The following SP110 variants were observed in gnomAD, a reference collection of about 807,000 sequenced individuals.
SP110 encodes SP110 nuclear body protein, also known as interferon-induced protein 41, 30kD.
SP110 carries 62 observed loss-of-function variants against 92.7 expected under a neutral mutation model. That is an observed-to-expected ratio of 0.67 (90% confidence interval 0.55 to 0.83). SP110 has a LOEUF of 0.83. Ranked by LOEUF, SP110 falls within the 40% of genes least tolerant of loss-of-function variation. The pLI, the probability that SP110 is intolerant of heterozygous loss-of-function variation, is 0.00. For synonymous variants in SP110, 273 were observed against 305.3 expected, an observed-to-expected ratio of 0.89 and a Z score of 1.10; for missense variants, 793 against 863.9, an observed-to-expected ratio of 0.92 and a Z score of 1.03.
At chr2:230,222,878 G>A (rs1010898219), upstream of SP110, among the ~76,000 whole-genome samples, 8 of 146,174 alleles carry the variant, frequency 5.5e-5, no homozygotes, top group Non-Finnish European at 9.0e-5. Flanking sequence ...AAGGCACATG[G>A]AATGCATTTT....
rs200558530 is a variant in SP110 at position 230,208,022 on chromosome 2, T to C, written c.867A>G (p.Lys289=). 18 of 1,567,304 alleles carry C rather than the reference T, an allele frequency of 1.1e-5. No individual in the cohort carries two copies. In the African/African-American group the frequency reaches 1.6e-4, roughly 14 times the overall value. The change falls in exon 8 of 19, where the codon AAA becomes AAG. Residue 289 remains lysine, a synonymous_variant. Transcript: ENST00000258381. The stretch of plus-strand genomic sequence containing the variant: ...GGAGGCTTTTTTTCTTATGTCTCCT[T>C]TTTGGAGTTGACCAGATACATCTTT... ...KRKRCIWSTP[K]RRHKKKSLPG...
Position 230,212,265 on chromosome 2 carries a change from C to T in SP110, c.667+82G>A. 2.9e-6 allele frequency: 3 copies of T among 1,033,898 alleles called. No homozygotes were observed. In the South Asian group the frequency reaches 3.8e-5, roughly 13 times the overall value. The allele number at this position is 1,033,898 out of a possible 1,614,324, so 64.0% of individuals were successfully genotyped here. ...TCAGTTCTTTTTCCCAGGGTTCCCA[C>T]CATAGCCTCTTGGTTGGCAGACGCA... On this transcript the variant is annotated intron_variant, in intron 5 of 18. Transcript: ENST00000258381.
chr2:230,169,313 G>T (rs1413839859), intron 18 of SP110, 76 bp from the exon 19 acceptor site: 1 of 938,928 alleles, frequency 1.1e-6, no homozygotes, highest in Non-Finnish European at 1.7e-6. Flanking sequence ...ACTTTTTTTT[G>T]TGTTTTTGTT....
chr2:230,178,404 A>G (rs931946293), intron 12 of SP110, 149 bp from the exon 13 acceptor site: 1 of 654,808 alleles, frequency 1.5e-6, no homozygotes, highest in Admixed American at 2.1e-5. Flanking sequence ...CGAGTGACAG[A>G]TAAGCTATGT....
Position 230,215,078 on chromosome 2 carries a change from C to T in SP110, c.188G>A (p.Arg63Lys), listed in dbSNP as rs773795078. The T allele has an allele frequency of 6.2e-7, 1 of 1,613,954 alleles. No individual in the cohort carries two copies. Among genetic ancestry groups the T allele is most frequent in the South Asian group, 1.1e-5 (1 of 91,088 alleles). ...EACRNLIPVS[R>K]VVHNILTQLE... ...TTGGGTGAGAATGTTGTGCACCACT[C>T]TGGATACAGGGATCAAATTTCTACA... Residue 63 changes from arginine (R) to lysine (K), a missense_variant, in exon 3 of 19, where the codon AGA becomes AAA. Coordinates refer to ENST00000258381, the MANE Select transcript of SP110 (RefSeq NM_080424.4).
Position 230,212,468 on chromosome 2 carries a change from C to T in SP110, c.584-38G>A, listed in dbSNP as rs761682153. On this transcript the variant is annotated intron_variant, in intron 4 of 18. Coordinates refer to ENST00000258381, the MANE Select transcript of SP110 (RefSeq NM_080424.4). Reference sequence around the variant, plus strand: ...AGGAAATTATTACAGATTGCAGGGACTGGATGTCAGGGAGAAGAGTGAATG... The same window carrying T: ...AGGAAATTATTACAGATTGCAGGGATTGGATGTCAGGGAGAAGAGTGAATG... 4 of 1,469,454 alleles carry T rather than the reference C, an allele frequency of 2.7e-6. No homozygotes were observed. In the East Asian group the frequency reaches 6.8e-5, roughly 25 times the overall value. 91.0% of individuals were successfully genotyped at this position (1,469,454 alleles called of 1,614,324 possible). A position where few individuals can be genotyped will look rare whatever the true frequency, so the allele number is the denominator to read the frequency against.
Position 230,172,175 on chromosome 2 carries a change from C to T in SP110, c.1707-1G>A, listed in dbSNP as rs778486417. The T allele has an allele frequency of 6.3e-7, 1 of 1,594,316 alleles. No individual in the cohort carries two copies. The highest frequency in any genetic ancestry group is 8.6e-7 in the Non-Finnish European group (1 of 1,161,630). ...GCAGAAGGTGCAACTCCACAGCATC[C>T]TGAGAGGTTGGACACAAGGTGAGCA... On this transcript the variant is annotated splice_acceptor_variant, in intron 15 of 18. Coordinates refer to ENST00000258381, the MANE Select transcript of SP110 (RefSeq NM_080424.4). LOFTEE classifies it high-confidence loss of function.
chr2:230,221,684 C>T, upstream of SP110: 1 of 1,535,378 alleles, frequency 6.5e-7, no homozygotes, highest in Non-Finnish European at 8.7e-7. Context: ...TTATTTTATG[C>T]AAATGTCACA....
At chr2:230,176,377 T>C in intron 14 of SP110, 1 of 1,071,808 alleles carries the variant, frequency 9.3e-7, no homozygotes, top group Non-Finnish European at 1.2e-6. Flanking sequence ...GATGGGGTCT[T>C]GCTATGTTGC....
At chr2:230,213,174 C>A in intron 3 of SP110, 147 bp from the exon 4 acceptor site, 2 of 788,444 alleles carry the variant, frequency 2.5e-6, no homozygotes, top group Non-Finnish European at 4.3e-6. Flanking sequence ...TCATTGTCAT[C>A]ATTATCCATT....
In SP110 at chr2:230,165,981, C is replaced by T. The variant is rs2106330327; in HGVS notation, c.*3143G>A. Among the ~76,000 whole-genome samples, 2 of 151,062 alleles carry T rather than the reference C, an allele frequency of 1.3e-5. No individual in the cohort carries two copies. Among genetic ancestry groups the T allele is most frequent in the African/African-American group, 4.9e-5 (2 of 41,090 alleles). On this transcript the variant is annotated 3_prime_UTR_variant, in exon 19 of 19. Transcript: ENST00000258381. The stretch of plus-strand genomic sequence containing the variant: ...GGATCTCGGCTCACTGCAACCTCCA[C>T]CTCCCGGGTTCAAGCGATTCTCCTG...
At chr2:230,181,886 C>T (rs4542839) in intron 12 of SP110, among the ~76,000 whole-genome samples, 69,559 of 152,108 alleles carry the variant, frequency 0.46, 16,366 homozygotes, top group East Asian at 0.68. Context: ...TTGTGAAAGA[C>T]CTCGAAGCAA....
chr2:230,216,622 C>T (rs1180731945), intron 2 of SP110, among the ~76,000 whole-genome samples, 159 bp downstream of exon 2: 1 of 152,250 alleles, frequency 6.6e-6, no homozygotes, highest in African/African-American at 2.4e-5. Context: ...GCCCCTATGA[C>T]ACCCTCTCTC....
chr2:230,188,733 A>G (rs1474168590), intron 10 of SP110, among the ~76,000 whole-genome samples: 1 of 152,188 alleles, frequency 6.6e-6, no homozygotes, highest in Non-Finnish European at 1.5e-5. Context: ...TTCTGCATCT[A>G]TTGAAATGAT....
chr2:230,217,170 G>A (rs41309078), intron 1 of SP110, among the ~76,000 whole-genome samples: 14,194 of 149,940 alleles, frequency 0.095, 873 homozygotes, highest in South Asian at 0.22. Context: ...TGCTTGAACC[G>A]GGGAGGTGGA....
intron 10 of SP110, among the ~76,000 whole-genome samples, chr2:230,193,251 GT>G (rs1237973577): frequency 6.6e-6 from 1 of 152,130 alleles, no homozygotes; most frequent in Admixed American, 6.5e-5. Context: ...GTCCTTGTGT[GT>G]TAAGTGAGTC....
intron 9 of SP110, among the ~76,000 whole-genome samples, chr2:230,201,248 A>G (rs1243966112): frequency 1.3e-5 from 2 of 152,230 alleles, no homozygotes; most frequent in South Asian, 4.1e-4. Flanking sequence ...AGAGTCTCTC[A>G]AAGTAAGGTC....
chr2:230,179,166 G>A (rs779972745), intron 12 of SP110, among the ~76,000 whole-genome samples: 38 of 152,186 alleles, frequency 2.5e-4, no homozygotes, highest in Non-Finnish European at 4.7e-4. Context: ...CAGTATCAGC[G>A]GCGAAGAAGC....
At chr2:230,210,814 T>A (rs1021729106) in intron 6 of SP110, among the ~76,000 whole-genome samples, 3 of 152,196 alleles carry the variant, frequency 2.0e-5, no homozygotes, top group Non-Finnish European at 2.9e-5. Context: ...TGGCAAGCAG[T>A]CATTAGATCT....
Sources: gnomAD v4.1 joint callset for allele counts (sites outside exome capture counted in the v4.1 genomes callset) on GRCh38, gnomAD v4.1.1 for gene constraint, MANE v1.5 for transcripts, NCBI Gene and HGNC (gene_info 2026-07-23, HGNC 2026-07-21) for gene names.